The following DLG2 variants were observed in gnomAD, a reference collection of about 807,000 sequenced individuals.
The protein encoded by DLG2 is discs large MAGUK scaffold protein 2.
Under a neutral mutation model 132.5 loss-of-function variants are expected in DLG2, and 45 were observed. The observed-to-expected ratio is 0.34, with a 90% CI of 0.27 to 0.44. DLG2 has a LOEUF of 0.44. Among genes scored for constraint, DLG2 ranks in the 20% least tolerant of loss-of-function variants. The pLI, the probability that DLG2 is intolerant of heterozygous loss-of-function variation, is 1.00. For missense variants in DLG2, 1,045 were observed against 1,196.9 expected, an observed-to-expected ratio of 0.87 and a Z score of 1.87; for synonymous variants, 424 against 419.6, an observed-to-expected ratio of 1.01 and a Z score of -0.13.
intron 5 of DLG2, among the ~76,000 whole-genome samples, chr11:85,145,638 A>G (rs1444985021): frequency 1.3e-5 from 2 of 152,016 alleles, no homozygotes; most frequent in African/African-American, 4.8e-5. Context: ...TCATTTTGAC[A>G]ATAGAAATTT....
chr11:85,001,062 T>C (rs1317562705), intron 6 of DLG2, among the ~76,000 whole-genome samples: 1 of 151,964 alleles, frequency 6.6e-6, no homozygotes, highest in Non-Finnish European at 1.5e-5. Context: ...AGAAGAACCC[T>C]TTTGCCCCAC....
At chr11:85,483,503 A>T (rs993885978) in intron 3 of DLG2, among the ~76,000 whole-genome samples, 2 of 152,232 alleles carry the variant, frequency 1.3e-5, no homozygotes, top group African/African-American at 4.8e-5. Flanking sequence ...AAAGAAAAGG[A>T]TGCTAATTAA....
At chr11:83,664,775 C>G (rs2075154993) in intron 18 of DLG2, among the ~76,000 whole-genome samples, 1 of 152,200 alleles carries the variant, frequency 6.6e-6, no homozygotes, top group South Asian at 2.1e-4. Context: ...TAACTGATGT[C>G]TATGTGCTTC....
At chr11:84,997,886 A>G (rs1566609243) in intron 6 of DLG2, 1 of 152,250 alleles carries the variant, frequency 6.6e-6, no homozygotes, top group Non-Finnish European at 1.5e-5. Context: ...TTCACAAAGT[A>G]CATTAAACTT....
intron 6 of DLG2, among the ~76,000 whole-genome samples, chr11:84,864,689 GTAAT>G (rs1339744430): frequency 7.2e-5 from 11 of 152,140 alleles, no homozygotes; most frequent in Admixed American, 7.2e-4. Context: ...ATGTAAACAA[GTAAT>G]TACAGAGCAA....
intron 6 of DLG2, among the ~76,000 whole-genome samples, chr11:84,552,414 A>G (rs772064972): frequency 1.8e-4 from 27 of 152,116 alleles, no homozygotes; most frequent in Admixed American, 2.6e-4. Flanking sequence ...ATCACCTCCA[A>G]TGTTTTGCAC....
chr11:84,855,411 TC>T (rs1426600433), intron 6 of DLG2, among the ~76,000 whole-genome samples: 10 of 152,060 alleles, frequency 6.6e-5, no homozygotes, highest in Admixed American at 5.9e-4. Flanking sequence ...ATGCCTTGTT[TC>T]TTACTTAAAC....
intron 21 of DLG2, among the ~76,000 whole-genome samples, chr11:83,507,509 T>C (rs1008930173): frequency 6.8e-6 from 1 of 146,124 alleles, no homozygotes; most frequent in Non-Finnish European, 1.5e-5. Flanking sequence ...ATATATCCTC[T>C]ATATATATAT....
chr11:83,652,107 A>G (rs984590595), intron 18 of DLG2: 1 of 296,406 alleles, frequency 3.4e-6, no homozygotes, highest in Admixed American at 4.0e-5. Context: ...CCCAAATGCT[A>G]AAAGGTTTTG....
intron 17 of DLG2, among the ~76,000 whole-genome samples, chr11:83,791,787 G>A (rs1034990809): frequency 2.6e-5 from 4 of 152,162 alleles, no homozygotes; most frequent in African/African-American, 9.7e-5. Flanking sequence ...GCCGGGCTAC[G>A]CTTCCTCTCC....
chr11:84,241,408 G>A (rs1323076346), intron 8 of DLG2, among the ~76,000 whole-genome samples: 1 of 152,182 alleles, frequency 6.6e-6, no homozygotes, highest in Non-Finnish European at 1.5e-5. Context: ...ACTCTACCCT[G>A]AATCTCACTT....
chr11:83,594,734 T>C (rs2097255340), intron 19 of DLG2, among the ~76,000 whole-genome samples: 2 of 152,178 alleles, frequency 1.3e-5, no homozygotes, highest in Admixed American at 6.5e-5. Context: ...TGAGCTGCCA[T>C]GGGAATTGTG....
At chr11:84,132,406 A>G (rs2094453225) in intron 9 of DLG2, among the ~76,000 whole-genome samples, 1 of 151,948 alleles carries the variant, frequency 6.6e-6, no homozygotes, top group Non-Finnish European at 1.5e-5. Context: ...AGCATGATAA[A>G]ATAATTTGAC....
In DLG2 at chr11:85,533,866, A is replaced by G. The variant is rs377321137; in HGVS notation, c.40+64791T>C. 9.2e-4 allele frequency among the ~76,000 whole-genome samples: 140 copies of G among 152,384 alleles called. 1 individual carries two copies. Among genetic ancestry groups the G allele is most frequent in the African/African-American group, 3.3e-3 (138 of 41,598 alleles). On this transcript the variant is annotated intron_variant, in intron 3 of 27. Transcript: ENST00000376104. Reference sequence around the variant, plus strand: ...TTTATACAGCTTTAGAGGAAAAGCTAAAGAATAAGATTAGCTAAGAAGGCT... The same window carrying G: ...TTTATACAGCTTTAGAGGAAAAGCTGAAGAATAAGATTAGCTAAGAAGGCT...
chr11:84,517,036 T>A (rs889648885), intron 7 of DLG2, among the ~76,000 whole-genome samples: 12 of 87,158 alleles, frequency 1.4e-4, no homozygotes, highest in Non-Finnish European at 2.3e-4. Context: ...AATAAATAAA[T>A]AAATAAATAA....
chr11:85,230,610 TA>T (rs1305019175), intron 4 of DLG2, among the ~76,000 whole-genome samples: 1 of 151,934 alleles, frequency 6.6e-6, no homozygotes, highest in Non-Finnish European at 1.5e-5. Flanking sequence ...CAGTTTATTA[TA>T]AGACTTAATC....
chr11:85,341,201 C>T (rs752652140), intron 3 of DLG2, among the ~76,000 whole-genome samples: 17 of 152,162 alleles, frequency 1.1e-4, no homozygotes, highest in Non-Finnish European at 2.1e-4. Flanking sequence ...TCACTGCAAG[C>T]TCCACCTCCC....
At chr11:83,517,802 C>T (rs1199717288) in intron 21 of DLG2, among the ~76,000 whole-genome samples, 1 of 152,180 alleles carries the variant, frequency 6.6e-6, no homozygotes, top group East Asian at 1.9e-4. Context: ...ACCCTGTTTG[C>T]CTGGGTATCA....
intron 7 of DLG2, among the ~76,000 whole-genome samples, chr11:84,395,078 A>G (rs751182603): frequency 6.6e-6 from 1 of 152,060 alleles, no homozygotes; most frequent in Non-Finnish European, 1.5e-5. Context: ...TTTCTGGACT[A>G]GTTGATTCAT....
Sources: gnomAD v4.1 joint callset for allele counts (sites outside exome capture counted in the v4.1 genomes callset) on GRCh38, gnomAD v4.1.1 for gene constraint, MANE v1.5 for transcripts, NCBI Gene and HGNC (gene_info 2026-07-23, HGNC 2026-07-21) for gene names.